Variants in SYT1 observed in about 807,000 individuals in gnomAD.
SYT1 encodes synaptotagmin-1.
A neutral mutation model predicts 44.8 loss-of-function variants in SYT1; 8 were observed. The ratio of observed to expected loss-of-function variants is 0.18; its 90% CI spans 0.10 to 0.32. SYT1 has a LOEUF of 0.32. Among genes scored for constraint, SYT1 ranks in the 10% least tolerant of loss-of-function variants. The pLI is 1.00. For missense variants in SYT1, 286 were observed against 509.3 expected (o/e 0.56, Z 4.22); for synonymous variants, 154 against 188.8 (o/e 0.82, Z 1.51).
chr12:79,315,188 C>G (rs1229483907), intron 8 of SYT1, among the ~76,000 whole-genome samples: 5 of 151,736 alleles, frequency 3.3e-5, no homozygotes, highest in Admixed American at 3.3e-4. Flanking sequence ...TTTTTATTTT[C>G]TTTATTATTT....
intron 1 of SYT1, among the ~76,000 whole-genome samples, chr12:78,901,838 G>A (rs181595029): frequency 6.6e-6 from 1 of 152,160 alleles, no homozygotes; most frequent in Non-Finnish European, 1.5e-5. Flanking sequence ...ATGAAATGTG[G>A]ATGCTGCCTC....
intron 2 of SYT1, among the ~76,000 whole-genome samples, chr12:79,018,716 C>A (rs1265302493): frequency 6.6e-6 from 1 of 151,884 alleles, no homozygotes; most frequent in Non-Finnish European, 1.5e-5. Context: ...AAAAGTTGCT[C>A]CTTATGGGTA....
At chr12:79,434,887 T>C (rs1475700865) in intron 9 of SYT1, among the ~76,000 whole-genome samples, 1 of 151,942 alleles carries the variant, frequency 6.6e-6, no homozygotes, top group Non-Finnish European at 1.5e-5. Flanking sequence ...AACCACCCTA[T>C]CCTACTCTAG....
At chr12:79,122,469 G>C (rs1406724780) in intron 3 of SYT1, among the ~76,000 whole-genome samples, 27 of 120,550 alleles carry the variant, frequency 2.2e-4, no homozygotes, top group African/African-American at 6.4e-4. Flanking sequence ...AGCCGAGATC[G>C]CGCCACTGCA....
chr12:78,909,362 A>T (rs918296998), intron 1 of SYT1, among the ~76,000 whole-genome samples: 3 of 151,468 alleles, frequency 2.0e-5, no homozygotes, highest in African/African-American at 4.8e-5. Context: ...AAAATAATTT[A>T]TTTTTTTTCT....
At chr12:79,139,972 T>C (rs969320117) in intron 3 of SYT1, among the ~76,000 whole-genome samples, 2 of 152,102 alleles carry the variant, frequency 1.3e-5, no homozygotes, top group Non-Finnish European at 2.9e-5. Flanking sequence ...CTATAGAAAG[T>C]CCCTGATTTA....
chr12:79,426,080 T>C (rs562374780), intron 9 of SYT1, among the ~76,000 whole-genome samples: 1 of 150,214 alleles, frequency 6.7e-6, no homozygotes, highest in East Asian at 1.9e-4. Context: ...CACTGTTTGA[T>C]TAAAAAAAAA....
At chr12:79,124,009 G>T (rs2138146206) in intron 3 of SYT1, among the ~76,000 whole-genome samples, 1 of 152,244 alleles carries the variant, frequency 6.6e-6, no homozygotes, top group African/African-American at 2.4e-5. Flanking sequence ...CACATACTAT[G>T]CGCCAGGCAC....
intron 3 of SYT1, among the ~76,000 whole-genome samples, chr12:79,107,338 C>G (rs1878774291): frequency 6.6e-6 from 1 of 151,476 alleles, no homozygotes; most frequent in African/African-American, 2.4e-5. Flanking sequence ...ATTATTGTTC[C>G]TGATGATTAC....
chr12:79,322,875 C>T (rs79598409), intron 8 of SYT1, among the ~76,000 whole-genome samples: 1 of 152,106 alleles, frequency 6.6e-6, no homozygotes, highest in Non-Finnish European at 1.5e-5. Flanking sequence ...CCCAGTAAGA[C>T]CCTCCTGAAA....
intron 4 of SYT1, among the ~76,000 whole-genome samples, chr12:79,282,636 G>C (rs2138816826): frequency 6.6e-6 from 1 of 151,882 alleles, no homozygotes; most frequent in East Asian, 1.9e-4. Flanking sequence ...TTGCTTCACT[G>C]AATTATTTAA....
chr12:78,988,284 C>A (rs535868513), intron 2 of SYT1, among the ~76,000 whole-genome samples: 41 of 151,390 alleles, frequency 2.7e-4, no homozygotes, highest in Admixed American at 2.5e-3. Context: ...AAACAATAAA[C>A]AACATAAATA....
In SYT1 at chr12:79,444,223, C is replaced by CT. The variant is rs1565960693; in HGVS notation, c.1062+20dup. ...CAAATCCAGGTAATGTCAAACATAA[C>CT]TTTGTCTTCCCACTCAATTTCATTC... On this transcript the variant is annotated intron_variant, in intron 10 of 10. Transcript: ENST00000261205. 4.3e-6 allele frequency: 7 copies of CT among 1,611,538 alleles called. No individual in the cohort carries two copies. In the South Asian group the frequency reaches 5.5e-5, roughly 13 times the overall value.
intron 8 of SYT1, among the ~76,000 whole-genome samples, chr12:79,318,528 GC>G (rs1225021647): frequency 6.6e-6 from 1 of 152,228 alleles, no homozygotes; most frequent in Non-Finnish European, 1.5e-5. Context: ...TATGAGTGAA[GC>G]GAAAGGCCCC....
In SYT1 at chr12:78,887,259, C is replaced by T. The variant is rs181653782; in HGVS notation, c.-217+22150C>T. Reference sequence around the variant, plus strand: ...GTATCTCGATGCTGTGTTATCCACCCGTTAGTCACTTAGTAGTCCTGGCAG... The same window carrying T: ...GTATCTCGATGCTGTGTTATCCACCTGTTAGTCACTTAGTAGTCCTGGCAG... On this transcript the variant is annotated intron_variant, in intron 1 of 10. Transcript: ENST00000261205. Among the ~76,000 whole-genome samples, 198 of 152,028 alleles carry T rather than the reference C, an allele frequency of 1.3e-3. 1 individual carries two copies. Among genetic ancestry groups the T allele is most frequent in the African/African-American group, 4.4e-3 (182 of 41,506 alleles).
intron 3 of SYT1, among the ~76,000 whole-genome samples, chr12:79,135,957 T>A (rs1869163120): frequency 6.6e-6 from 1 of 152,192 alleles, no homozygotes; most frequent in Non-Finnish European, 1.5e-5. Flanking sequence ...TGGCAAGCTT[T>A]CACTCCAAGT....
At chr12:79,374,576 A>C (rs1381916146) in intron 9 of SYT1, among the ~76,000 whole-genome samples, 2 of 152,220 alleles carry the variant, frequency 1.3e-5, no homozygotes, top group Non-Finnish European at 2.9e-5. Context: ...GTAAAGAGGC[A>C]CTAAACCAGA....
At chr12:79,445,914 G>T (rs1370264203) in intron 10 of SYT1, among the ~76,000 whole-genome samples, 3 of 131,814 alleles carry the variant, frequency 2.3e-5, no homozygotes, top group Non-Finnish European at 3.2e-5. Flanking sequence ...AATAAGTATA[G>T]CTATATAATA....
intron 2 of SYT1, among the ~76,000 whole-genome samples, chr12:79,027,406 A>G (rs1032199921): frequency 3.3e-5 from 5 of 151,636 alleles, no homozygotes; most frequent in African/African-American, 1.2e-4. Flanking sequence ...CATCATATTT[A>G]ACACTAGAAA....
Sources: gnomAD v4.1 joint callset for allele counts (sites outside exome capture counted in the v4.1 genomes callset) on GRCh38, gnomAD v4.1.1 for gene constraint, MANE v1.5 for transcripts, NCBI Gene and HGNC (gene_info 2026-07-23, HGNC 2026-07-21) for gene names.